PGBD5: variants seen among roughly 807,000 people sequenced by gnomAD.
PGBD5 encodes the protein piggyBac transposable element derived 5.
PGBD5 carries 14 observed loss-of-function variants against 47.9 expected under a neutral mutation model. The ratio of observed to expected loss-of-function variants is 0.29; its 90% CI spans 0.19 to 0.46. The LOEUF is 0.46. Ranked by LOEUF, PGBD5 falls within the 20% of genes least tolerant of loss-of-function variation. The pLI is 1.00. For missense variants in PGBD5, 635 were observed against 716.0 expected, an observed-to-expected ratio of 0.89 and a Z score of 1.29; for synonymous variants, 316 against 306.3, an observed-to-expected ratio of 1.03 and a Z score of -0.33.
intron 2 of PGBD5, among the ~76,000 whole-genome samples, chr1:230,352,205 G>A (rs967403407): frequency 6.6e-6 from 1 of 152,212 alleles, no homozygotes; most frequent in Non-Finnish European, 1.5e-5. Context: ...GTCTGTGGTT[G>A]CTTTGGGGCT....
At chr1:230,351,202 AAC>A in intron 2 of PGBD5, 110 bp from the exon 3 acceptor site, 3 of 1,252,572 alleles carry the variant, frequency 2.4e-6, no homozygotes, top group Non-Finnish European at 3.2e-6. Context: ...CTGTGACCTT[AAC>A]TAAGTTACTT....
At chr1:230,350,909 T>C in intron 3 of PGBD5, 49 bp downstream of exon 3, 1 of 1,594,820 alleles carries the variant, frequency 6.3e-7, no homozygotes, top group South Asian at 1.1e-5. Flanking sequence ...CCGGATTTTC[T>C]TCCCCGACCC....
chr1:230,367,980 A>G (rs776078376), intron 1 of PGBD5: 1 of 1,367,798 alleles, frequency 7.3e-7, no homozygotes, highest in South Asian at 1.1e-5. Context: ...TGCAAGCTGG[A>G]CACCAAGGAG....
At chr1:230,351,565 T>C (rs1667561211) in intron 2 of PGBD5, among the ~76,000 whole-genome samples, 1 of 152,104 alleles carries the variant, frequency 6.6e-6, no homozygotes, top group Non-Finnish European at 1.5e-5. Context: ...TATATTTAAC[T>C]GAAACCTAGG....
intron 1 of PGBD5, among the ~76,000 whole-genome samples, chr1:230,369,944 T>A (rs1288204930): frequency 6.6e-6 from 1 of 152,064 alleles, no homozygotes; most frequent in Non-Finnish European, 1.5e-5. Flanking sequence ...GACACAGATA[T>A]CACGATGATG....
chr1:230,385,581 T>G (rs558462920), intron 1 of PGBD5, among the ~76,000 whole-genome samples: 11 of 152,290 alleles, frequency 7.2e-5, no homozygotes, highest in African/African-American at 2.6e-4. Context: ...CAAAGGTGAC[T>G]CACTTATTAT....
chr1:230,352,467 C>A (rs1667574020), intron 2 of PGBD5, among the ~76,000 whole-genome samples: 2 of 152,116 alleles, frequency 1.3e-5, no homozygotes, highest in South Asian at 4.2e-4. Flanking sequence ...GGACAGCTGC[C>A]TTCCATTCTT....
chr1:230,361,302 C>T (rs564111105), intron 1 of PGBD5, among the ~76,000 whole-genome samples: 1 of 152,152 alleles, frequency 6.6e-6, no homozygotes, highest in South Asian at 2.1e-4. Flanking sequence ...AAAGCAAAGG[C>T]AGAATGGAAT....
rs1002555236 is a variant in PGBD5 at position 230,315,669 on chromosome 1, C to T, written c.*7756G>A. The stretch of plus-strand genomic sequence containing the variant: ...TCATGTGGTAGACTCTGTATTTTAT[C>T]GTGTGTGTATGTGTGTGTATATTTA... On this transcript the variant is annotated 3_prime_UTR_variant, in exon 7 of 7. Transcript: ENST00000391860. 2.6e-5 allele frequency: 4 copies of T among 151,152 alleles called. No individual in the cohort carries two copies. Among genetic ancestry groups the T allele is most frequent in the Non-Finnish European group, 4.4e-5 (3 of 67,820 alleles). 9.4% of individuals were successfully genotyped at this position (151,152 alleles called of 1,614,324 possible). A position where few individuals can be genotyped will look rare whatever the true frequency, so the allele number is the denominator to read the frequency against.
intron 5 of PGBD5, among the ~76,000 whole-genome samples, chr1:230,331,230 T>C (rs544257975): frequency 6.6e-6 from 1 of 151,992 alleles, no homozygotes; most frequent in African/African-American, 2.4e-5. Flanking sequence ...CTGGGCAACA[T>C]AGTGAGACCC....
In PGBD5 at chr1:230,425,428, C is replaced by T. The variant is rs961078805; in HGVS notation, c.331+170G>A. Among the ~76,000 whole-genome samples, 3 of 152,142 alleles carry T rather than the reference C, an allele frequency of 2.0e-5. No individual in the cohort carries two copies. The highest frequency in any genetic ancestry group is 4.8e-5 in the African/African-American group (2 of 41,452). The stretch of plus-strand genomic sequence containing the variant: ...ACCCTCTCCACCCACGGGTTCGGAG[C>T]CCCCAGGAGCAGTCAGACCGATCAC... On this transcript the variant is annotated intron_variant, in intron 1 of 6. Coordinates refer to ENST00000391860, the MANE Select transcript of PGBD5 (RefSeq NM_001258311.2). This position sits in a 1 kb window ranked among gnomAD's most constrained non-coding sequence, Gnocchi z 4.7.
intron 2 of PGBD5, among the ~76,000 whole-genome samples, chr1:230,355,036 G>A (rs956832887): frequency 2.6e-5 from 4 of 152,136 alleles, no homozygotes; most frequent in Non-Finnish European, 5.9e-5. Context: ...CTCAGGCCCT[G>A]CTTCTGCAAG....
chr1:230,408,739 T>C (rs980696037), intron 1 of PGBD5, among the ~76,000 whole-genome samples: 1 of 152,116 alleles, frequency 6.6e-6, no homozygotes, highest in Admixed American at 6.5e-5. Flanking sequence ...AATGCAAGCA[T>C]AAAATGATCA....
At chr1:230,423,841 G>A (rs975515333) in intron 1 of PGBD5, among the ~76,000 whole-genome samples, 2 of 152,244 alleles carry the variant, frequency 1.3e-5, no homozygotes, top group Non-Finnish European at 2.9e-5. Context: ...GTGGGCATCT[G>A]CAGGAAGCAG....
intron 3 of PGBD5, among the ~76,000 whole-genome samples, chr1:230,340,707 T>TCCAGGC (rs1382567610): frequency 1.3e-5 from 2 of 152,194 alleles, no homozygotes; most frequent in South Asian, 2.1e-4. Context: ...ATTCATCATC[T>TCCAGGC]CCATGCCTGG....
chr1:230,350,033 G>A (rs1015564960), intron 3 of PGBD5, among the ~76,000 whole-genome samples: 11 of 152,208 alleles, frequency 7.2e-5, no homozygotes, highest in African/African-American at 2.7e-4. Context: ...GGGAGGAGAT[G>A]TTCGGCAGAA....
At chr1:230,375,402 G>A (rs766191378) in intron 1 of PGBD5, among the ~76,000 whole-genome samples, 1 of 152,090 alleles carries the variant, frequency 6.6e-6, no homozygotes, top group South Asian at 2.1e-4. Context: ...GAGGGCGGTG[G>A]GGGGACAGCA....
intron 1 of PGBD5, among the ~76,000 whole-genome samples, chr1:230,400,894 T>TA (rs1358585652): frequency 6.6e-6 from 1 of 152,216 alleles, no homozygotes; most frequent in East Asian, 1.9e-4. Flanking sequence ...TGCCTTGCAG[T>TA]AAGTCAGGTT....
intron 1 of PGBD5, among the ~76,000 whole-genome samples, chr1:230,416,678 T>C (rs1443921144): frequency 6.6e-6 from 1 of 152,060 alleles, no homozygotes; most frequent in Admixed American, 6.6e-5. Flanking sequence ...CCAGAGACAA[T>C]GGTAGGACGC....
Sources: gnomAD v4.1 joint callset for allele counts (sites outside exome capture counted in the v4.1 genomes callset) on GRCh38, gnomAD v4.1.1 for gene constraint, Gnocchi (gnomAD v3.1) non-coding constraint, MANE v1.5 for transcripts, NCBI Gene and HGNC (gene_info 2026-07-23, HGNC 2026-07-21) for gene names.